ABCB5: variants seen among roughly 807,000 people sequenced by gnomAD.
The protein encoded by ABCB5 is ATP-binding cassette sub-family B member 5.
In ABCB5, 155 loss-of-function variants were observed where a neutral mutation model predicts 144.2. That is an observed-to-expected ratio of 1.08 (90% CI 0.94 to 1.23). ABCB5 has a LOEUF of 1.23. Ranked by LOEUF, ABCB5 falls within the 50% of genes most tolerant of loss-of-function variation. ABCB5 has a pLI of 0.00. For synonymous variants in ABCB5, 610 were observed against 528.6 expected (o/e 1.15, Z -2.11); for missense variants, 1,830 against 1,520.8 (o/e 1.20, Z -3.38).
chr7:20,660,326 A>C (rs1784964120), intron 14 of ABCB5: 1 of 985,130 alleles, frequency 1.0e-6, no homozygotes, highest in Non-Finnish European at 1.2e-6. Flanking sequence ...AACTTATTTC[A>C]AAAATTCATT....
chr7:20,747,314 A>G (rs1245059730), intron 26 of ABCB5, among the ~76,000 whole-genome samples: 1 of 152,214 alleles, frequency 6.6e-6, no homozygotes, highest in Non-Finnish European at 1.5e-5. Context: ...TCTGTCACCC[A>G]GGCTGCAGTG....
rs1784472495 is a variant in ABCB5, at chr7:20,648,205, T to C, written c.1206+127T>C. 3 of 626,256 alleles carry C rather than the reference T, an allele frequency of 4.8e-6. No homozygotes were observed. In the South Asian group the frequency reaches 6.1e-5, roughly 13 times the overall value. 38.8% of individuals were successfully genotyped at this position (626,256 alleles called of 1,614,324 possible). A position where few individuals can be genotyped will look rare whatever the true frequency, so the allele number is the denominator to read the frequency against. On this transcript the variant is annotated intron_variant, in intron 11 of 27. Transcript: ENST00000404938. Reference sequence around the variant, plus strand: ...ATTTTGGCTACTTTGCTTAGAGACTTGAGGAGGTAGATAAATAATGGACAA... The same window carrying C: ...ATTTTGGCTACTTTGCTTAGAGACTCGAGGAGGTAGATAAATAATGGACAA...
intron 20 of ABCB5, among the ~76,000 whole-genome samples, chr7:20,711,521 G>A (rs1395458672): frequency 6.8e-6 from 1 of 146,196 alleles, no homozygotes; most frequent in Non-Finnish European, 1.5e-5. Flanking sequence ...GAGTGCAGTG[G>A]TGTGATCACT....
intron 24 of ABCB5, among the ~76,000 whole-genome samples, chr7:20,740,046 A>G (rs569862605): frequency 6.6e-6 from 1 of 152,086 alleles, no homozygotes; most frequent in Non-Finnish European, 1.5e-5. Flanking sequence ...CCTGGCTAAC[A>G]TGGTGAAACC....
chr7:20,717,727 G>A (rs967198973), intron 20 of ABCB5, among the ~76,000 whole-genome samples: 2 of 151,000 alleles, frequency 1.3e-5, no homozygotes, highest in African/African-American at 2.4e-5. Flanking sequence ...GCGAGCCACC[G>A]CACCTGGCCC....
intron 20 of ABCB5, among the ~76,000 whole-genome samples, chr7:20,722,529 T>A (rs1040247698): frequency 1.3e-5 from 2 of 152,178 alleles, no homozygotes; most frequent in Non-Finnish European, 2.9e-5. Context: ...GACATCTCAA[T>A]ATTGGACATC....
chr7:20,680,614 G>A (rs1785761214), intron 14 of ABCB5, among the ~76,000 whole-genome samples: 1 of 151,270 alleles, frequency 6.6e-6, no homozygotes, highest in Non-Finnish European at 1.5e-5. Context: ...AGCATGAGAT[G>A]GACTTGTGGG....
intron 2 of ABCB5, among the ~76,000 whole-genome samples, chr7:20,624,876 T>C (rs188502384): frequency 6.6e-6 from 1 of 152,100 alleles, no homozygotes; most frequent in Non-Finnish European, 1.5e-5. Flanking sequence ...CCTTGGCCTT[T>C]GCCAAAGGAC....
At chr7:20,642,534 T>C (rs1784316039) in intron 5 of ABCB5, among the ~76,000 whole-genome samples, 1 of 152,208 alleles carries the variant, frequency 6.6e-6, no homozygotes, top group South Asian at 2.1e-4. Flanking sequence ...CTATTTTTTT[T>C]TCTCCTTGTG....
chr7:20,723,375 C>T (rs1781936413), intron 21 of ABCB5, among the ~76,000 whole-genome samples, 156 bp downstream of exon 21: 1 of 152,096 alleles, frequency 6.6e-6, no homozygotes, highest in Admixed American at 6.5e-5. Flanking sequence ...GAGAGAAATG[C>T]ATACAGACCA....
At chr7:20,707,807 T>C (rs974276620) in intron 20 of ABCB5, among the ~76,000 whole-genome samples, 7 of 140,860 alleles carry the variant, frequency 5.0e-5, no homozygotes, top group South Asian at 2.3e-4. Flanking sequence ...ATTTCTTTTT[T>C]TTTTTTTTTT....
At position 20,698,489 on chromosome 7, in the gene ABCB5, C is replaced by T; in HGVS notation, c.2093C>T (p.Ala698Val). The T allele has an allele frequency of 6.2e-7, 1 of 1,605,718 alleles. No individual in the cohort carries two copies. Among genetic ancestry groups the T allele is most frequent in the Non-Finnish European group, 8.5e-7 (1 of 1,177,406 alleles). ...CCTTTTGTGGTTCTGGGGACATTGG[C>T]TTCTGTTCTAAATGGAACTGTTCAT... ...EWPFVVLGTL[A>V]SVLNGTVHPV... The change falls in exon 17 of 28, where the codon GCT becomes GTT. Residue 698 changes from alanine (A) to valine (V), a missense_variant. Transcript: ENST00000404938.
In ABCB5 at chr7:20,632,129, A is replaced by T. The variant is rs749002996; in HGVS notation, c.314+16A>T. On this transcript the variant is annotated intron_variant, in intron 5 of 27. Coordinates refer to ENST00000404938, the MANE Select transcript of ABCB5 (RefSeq NM_001163941.2). ...ATATGACTCTGTAAGTCCAAATGAA[A>T]CGTTAATATCACATTCGTTGAATGA... The T allele has an allele frequency of 8.8e-6, 13 of 1,484,952 alleles. No individual in the cohort carries two copies. The highest frequency in any genetic ancestry group is 1.1e-5 in the Non-Finnish European group (12 of 1,107,940). 92.0% of individuals were successfully genotyped at this position (1,484,952 alleles called of 1,614,324 possible). A position where few individuals can be genotyped will look rare whatever the true frequency, so the allele number is the denominator to read the frequency against.
chr7:20,670,668 G>A (rs569148163), intron 14 of ABCB5, among the ~76,000 whole-genome samples: 61 of 152,322 alleles, frequency 4.0e-4, no homozygotes, highest in African/African-American at 1.4e-3. Context: ...CCAGCACTTT[G>A]GGAGACCAAG....
At chr7:20,682,594 A>G (rs752945512) in intron 15 of ABCB5, among the ~76,000 whole-genome samples, 7 of 152,190 alleles carry the variant, frequency 4.6e-5, no homozygotes, top group Non-Finnish European at 1.0e-4. Flanking sequence ...AATGGAAAAG[A>G]GTTGGAAAAT....
intron 14 of ABCB5, among the ~76,000 whole-genome samples, chr7:20,677,034 A>G (rs1180451333): frequency 2.0e-5 from 3 of 152,086 alleles, no homozygotes; most frequent in Non-Finnish European, 4.4e-5. Flanking sequence ...TAATGTATTA[A>G]TTATTATAGT....
At chr7:20,675,734 G>GA (rs1200940944) in intron 14 of ABCB5, among the ~76,000 whole-genome samples, 2 of 147,650 alleles carry the variant, frequency 1.4e-5, no homozygotes, top group Admixed American at 6.7e-5. Context: ...CTACAAAAAG[G>GA]AAAAAAAAAT....
Position 20,723,072 on chromosome 7 carries a change from A to C in ABCB5, c.2478A>C (p.Ser826=). ...AAAATGCAACTAACATGGGACTTTC[A>C]GTTATCATTTCCTTTATATATGGAT... ...LTQNATNMGL[S]VIISFIYGWE... The change falls in exon 21 of 28, where the codon TCA becomes TCC. Residue 826 remains serine, a synonymous_variant. Transcript: ENST00000404938. The C allele has an allele frequency of 6.2e-7, 1 of 1,614,160 alleles. No individual in the cohort carries two copies. The highest frequency in any genetic ancestry group is 8.5e-7 in the Non-Finnish European group (1 of 1,180,020).
chr7:20,728,218 A>C, intron 22 of ABCB5, 97 bp from the exon 23 acceptor site: 1 of 1,390,016 alleles, frequency 7.2e-7, no homozygotes, highest in Non-Finnish European at 9.6e-7. Flanking sequence ...ACCAAATTAT[A>C]ACATTTCAAA....
Sources: gnomAD v4.1 joint callset for allele counts (sites outside exome capture counted in the v4.1 genomes callset) on GRCh38, gnomAD v4.1.1 for gene constraint, MANE v1.5 for transcripts, NCBI Gene and HGNC (gene_info 2026-07-23, HGNC 2026-07-21) for gene names.